KCND2: variants seen among roughly 807,000 people sequenced by gnomAD.
The protein encoded by KCND2 is A-type voltage-gated potassium channel KCND2.
Under a neutral mutation model 54.4 loss-of-function variants are expected in KCND2, and 16 were observed. The observed-to-expected ratio is 0.29, with a 90% confidence interval of 0.20 to 0.45. KCND2 has a LOEUF of 0.45. KCND2 is among the 20% of genes least tolerant of loss of function. KCND2 has a pLI of 1.00. For synonymous variants in KCND2, 317 were observed against 310.7 expected, an observed-to-expected ratio of 1.02 and a Z score of -0.21; for missense variants, 486 against 824.2, an observed-to-expected ratio of 0.59 and a Z score of 5.02.
intron 1 of KCND2, among the ~76,000 whole-genome samples, chr7:120,548,247 C>G (rs1027249600): frequency 6.6e-5 from 10 of 152,080 alleles, no homozygotes; most frequent in Admixed American, 5.9e-4. Context: ...TGCTCTCTCA[C>G]TTTTGTGGAA....
intron 1 of KCND2, among the ~76,000 whole-genome samples, chr7:120,370,067 A>G (rs945468702): frequency 6.6e-6 from 1 of 152,016 alleles, no homozygotes; most frequent in Admixed American, 6.6e-5. Context: ...TTGCCTTCCT[A>G]TGAAGATGAC....
intron 1 of KCND2, among the ~76,000 whole-genome samples, chr7:120,441,132 A>G (rs1286104747): frequency 2.0e-5 from 3 of 152,068 alleles, no homozygotes; most frequent in Non-Finnish European, 4.4e-5. Flanking sequence ...GAGGTACTGG[A>G]TAATTTTATA....
At chr7:120,610,881 A>T (rs1584853251) in intron 1 of KCND2, among the ~76,000 whole-genome samples, 1 of 152,132 alleles carries the variant, frequency 6.6e-6, no homozygotes, top group Non-Finnish European at 1.5e-5. Context: ...TATTTTCAGG[A>T]TTCTAAATAC....
At chr7:120,471,445 T>C (rs552515120) in intron 1 of KCND2, among the ~76,000 whole-genome samples, 1 of 152,214 alleles carries the variant, frequency 6.6e-6, no homozygotes, top group Admixed American at 6.5e-5. Context: ...CTCCAAATGA[T>C]CTCTAAAATA....
chr7:120,552,438 A>G (rs909216452), intron 1 of KCND2, among the ~76,000 whole-genome samples: 4 of 152,222 alleles, frequency 2.6e-5, no homozygotes, highest in African/African-American at 9.6e-5. Context: ...ACAAGAGAAA[A>G]GCATACAAAT....
At chr7:120,658,261 G>A (rs1226957132) in intron 1 of KCND2, among the ~76,000 whole-genome samples, 3 of 152,260 alleles carry the variant, frequency 2.0e-5, no homozygotes, top group African/African-American at 7.2e-5. Context: ...TGTTCCTGCT[G>A]TATTTTCAAC....
At chr7:120,716,628 C>G (rs774557327) in intron 1 of KCND2, among the ~76,000 whole-genome samples, 14 of 152,122 alleles carry the variant, frequency 9.2e-5, no homozygotes, top group Non-Finnish European at 1.5e-4. Flanking sequence ...CTAGGCATAA[C>G]CAGCCCTGGC....
chr7:120,685,507 G>A lies in KCND2; in HGVS notation c.1116-47396G>A, dbSNP rs142629986. On this transcript the variant is annotated intron_variant, in intron 1 of 5. Transcript: ENST00000331113. ...GCTGCAGTGTCAGTGGCAAAATTTG[G>A]TACTCTGAGATAAACGATTTCACAG... Among the ~76,000 whole-genome samples the A allele has an allele frequency of 5.9e-5, 9 of 152,156 alleles. No individual in the cohort carries two copies. The East Asian group carries it at 1.5e-3, about 26-fold the overall frequency.
intron 1 of KCND2, among the ~76,000 whole-genome samples, chr7:120,315,224 CCATT>C (rs1243584097): frequency 6.6e-6 from 1 of 152,144 alleles, no homozygotes; most frequent in Non-Finnish European, 1.5e-5. Flanking sequence ...TTCCCCACCA[CCATT>C]CATTGACAGG....
intron 1 of KCND2, among the ~76,000 whole-genome samples, chr7:120,640,485 C>T (rs1301710065): frequency 6.6e-6 from 1 of 152,070 alleles, no homozygotes; most frequent in Non-Finnish European, 1.5e-5. Context: ...ATATTTGCAT[C>T]AACGTGCATT....
At chr7:120,458,833 A>G (rs1802239230) in intron 1 of KCND2, among the ~76,000 whole-genome samples, 1 of 151,046 alleles carries the variant, frequency 6.6e-6, no homozygotes, top group Non-Finnish European at 1.5e-5. Flanking sequence ...TTATATCCAA[A>G]AAATAATAAT....
intron 1 of KCND2, among the ~76,000 whole-genome samples, chr7:120,730,284 A>G (rs1436081181): frequency 6.6e-6 from 1 of 152,130 alleles, no homozygotes; most frequent in Admixed American, 6.6e-5. Flanking sequence ...GGCTTACTGC[A>G]TAATCAGTGT....
intron 1 of KCND2, among the ~76,000 whole-genome samples, chr7:120,510,490 A>T (rs886855118): frequency 6.6e-6 from 1 of 152,084 alleles, no homozygotes; most frequent in African/African-American, 2.4e-5. Context: ...ACCTAAATTC[A>T]AACTCAACCT....
intron 1 of KCND2, among the ~76,000 whole-genome samples, chr7:120,554,436 T>C (rs1382557088): frequency 6.6e-6 from 1 of 150,894 alleles, no homozygotes; most frequent in Non-Finnish European, 1.5e-5. Flanking sequence ...TGAGACGGAG[T>C]CTCTCTCTGT....
intron 1 of KCND2, among the ~76,000 whole-genome samples, chr7:120,378,690 A>T (rs943099460): frequency 6.6e-6 from 1 of 151,958 alleles, no homozygotes; most frequent in Non-Finnish European, 1.5e-5. Context: ...ATCTTTAGGG[A>T]TGATTTCGGC....
At chr7:120,406,872 T>G (rs1801368569) in intron 1 of KCND2, among the ~76,000 whole-genome samples, 1 of 151,932 alleles carries the variant, frequency 6.6e-6, no homozygotes, top group South Asian at 2.1e-4. Flanking sequence ...GAAAATTAGC[T>G]TAGAGTCAGG....
At chr7:120,482,011 C>T (rs1371936965) in intron 1 of KCND2, among the ~76,000 whole-genome samples, 1 of 152,154 alleles carries the variant, frequency 6.6e-6, no homozygotes, top group Non-Finnish European at 1.5e-5. Context: ...ACATGCAACT[C>T]CAACCTATGA....
chr7:120,350,418 T>C (rs1301801050), intron 1 of KCND2, among the ~76,000 whole-genome samples: 2 of 152,122 alleles, frequency 1.3e-5, no homozygotes, highest in Non-Finnish European at 2.9e-5. Context: ...CCAGGAATTA[T>C]ATATAATCAA....
chr7:120,312,291 T>C (rs1278720340), intron 1 of KCND2, among the ~76,000 whole-genome samples: 1 of 152,162 alleles, frequency 6.6e-6, no homozygotes, highest in Admixed American at 6.5e-5. Context: ...TCATTATTGA[T>C]GGGCATTTAG....
Sources: allele counts gnomAD v4.1 joint callset (sites outside exome capture counted in the v4.1 genomes callset), GRCh38; gene constraint gnomAD v4.1.1; transcripts MANE v1.5; gene names NCBI Gene and HGNC (gene_info 2026-07-23, HGNC 2026-07-21).